Variants in ANGPT4 observed in about 807,000 individuals in gnomAD.
ANGPT4 encodes the protein angiopoietin-4.
Under a neutral mutation model 53.0 loss-of-function variants are expected in ANGPT4, and 50 were observed. That is an observed-to-expected ratio of 0.94 (90% CI 0.75 to 1.20). ANGPT4 has a LOEUF of 1.20. Among genes scored for constraint, ANGPT4 ranks in the 50% most tolerant of loss-of-function variants. The probability of loss-of-function intolerance (pLI) is 0.00; values close to 1 mark genes in which losing one functional copy is unlikely to be tolerated. For synonymous variants in ANGPT4, 251 were observed against 259.7 expected (o/e 0.97, Z 0.32); for missense variants, 648 against 637.1 (o/e 1.02, Z -0.18).
At chr20:873,447 C>G (rs115265522) in intron 8 of ANGPT4, among the ~76,000 whole-genome samples, 3,789 of 148,926 alleles carry the variant, frequency 0.025, 160 homozygotes, top group African/African-American at 0.083. Context: ...CTCCCCTCAT[C>G]GCTCTGCTCA....
At chr20:895,850 C>G (rs530455262) in intron 1 of ANGPT4, among the ~76,000 whole-genome samples, 1 of 148,164 alleles carries the variant, frequency 6.7e-6, no homozygotes, top group South Asian at 2.1e-4. Context: ...GTATGACTCT[C>G]TAAAAATGTC....
At chr20:905,648 G>T (rs978083473) in intron 1 of ANGPT4, among the ~76,000 whole-genome samples, 8 of 152,182 alleles carry the variant, frequency 5.3e-5, no homozygotes, top group African/African-American at 1.9e-4. Flanking sequence ...GTCAGCTTGG[G>T]GTATCTGCAG....
rs55666688 is a variant in ANGPT4 at position 887,636 on chromosome 20, C to CTT, written c.587+680_587+681dup. Among the ~76,000 whole-genome samples the CTT allele has an allele frequency of 1.4e-3, 180 of 130,510 alleles. 2 individuals carry two copies. The East Asian group carries it at 0.017, about 12-fold the overall frequency. The allele number at this position is 130,510 out of a possible 152,430, so 85.6% of individuals were successfully genotyped here. A position where few individuals can be genotyped will look rare whatever the true frequency, so the allele number is the denominator to read the frequency against. On this transcript the variant is annotated intron_variant, in intron 3 of 8. Coordinates refer to ENST00000381922, the MANE Select transcript of ANGPT4 (RefSeq NM_015985.4). ...CTGCTTTATCTAAACCTCATGACCG[C>CTT]TTTTTTTTTTTTTTTTTTGTAATTT...
At chr20:881,527 A>C (rs1227891358) in intron 4 of ANGPT4, among the ~76,000 whole-genome samples, 1 of 152,200 alleles carries the variant, frequency 6.6e-6, no homozygotes, top group Non-Finnish European at 1.5e-5. Flanking sequence ...CAGCATATGC[A>C]AAGGCCCCAA....
intron 1 of ANGPT4, among the ~76,000 whole-genome samples, chr20:912,780 A>T (rs1982756269): frequency 2.0e-5 from 3 of 151,808 alleles, no homozygotes; most frequent in Non-Finnish European, 2.9e-5. Context: ...GCTAGGAAAG[A>T]GTGCGTATCT....
At chr20:915,229 C>CA (rs1166391208) in intron 1 of ANGPT4, among the ~76,000 whole-genome samples, 1 of 151,960 alleles carries the variant, frequency 6.6e-6, no homozygotes, top group African/African-American at 2.4e-5. Flanking sequence ...CAGTGGCCCC[C>CA]CCCCCAGCTG....
chr20:887,120 A>G (rs1043661432), intron 3 of ANGPT4, among the ~76,000 whole-genome samples: 6 of 152,216 alleles, frequency 3.9e-5, no homozygotes, highest in African/African-American at 9.6e-5. Flanking sequence ...ATTTTACTGT[A>G]TATCCACTTG....
At chr20:893,781 C>T (rs977358304) in intron 1 of ANGPT4, among the ~76,000 whole-genome samples, 1 of 152,176 alleles carries the variant, frequency 6.6e-6, no homozygotes, top group African/African-American at 2.4e-5. Flanking sequence ...TCTGAAGCCC[C>T]AAACCCAGAC....
At position 879,390 on chromosome 20, in the gene ANGPT4, C is replaced by T. The variant is rs143311810; in HGVS notation, c.1053+357G>A. Among the ~76,000 whole-genome samples the T allele has an allele frequency of 1.1e-3, 162 of 152,168 alleles. 3 individuals are homozygous for T. The East Asian group carries it at 0.015, about 14-fold the overall frequency. On this transcript the variant is annotated intron_variant, in intron 6 of 8. Transcript: ENST00000381922. ...TCTCTCCTGCAGATATGATCATAGACGTATGAAAAGACAAGAAACTTCATT... is the reference window on the plus strand; with the variant it reads ...TCTCTCCTGCAGATATGATCATAGATGTATGAAAAGACAAGAAACTTCATT...
chr20:876,618 A>T (rs1049476064), intron 7 of ANGPT4, among the ~76,000 whole-genome samples: 4 of 152,184 alleles, frequency 2.6e-5, no homozygotes, highest in African/African-American at 9.7e-5. Context: ...TAAAGCACCC[A>T]TTCTACAGAT....
At chr20:888,485 A>T (rs1350155049) in intron 2 of ANGPT4, 46 bp from the exon 3 acceptor site, 1 of 1,575,478 alleles carries the variant, frequency 6.3e-7, no homozygotes, top group East Asian at 2.3e-5. Context: ...TAAGCGCTAC[A>T]GGAGCCCTGC....
intron 4 of ANGPT4, 146 bp downstream of exon 4, chr20:884,932 A>T: frequency 2.6e-6 from 3 of 1,174,888 alleles, no homozygotes; most frequent in Non-Finnish European, 3.5e-6. Context: ...ATTACTGTTT[A>T]TTGTTGTTTC....
chr20:880,571 G>T (rs775257667), intron 5 of ANGPT4, among the ~76,000 whole-genome samples: 1 of 151,134 alleles, frequency 6.6e-6, no homozygotes, highest in African/African-American at 2.5e-5. Flanking sequence ...CTGGGCACCA[G>T]AGCAAGACCC....
chr20:875,207 C>T (rs1022799637), intron 7 of ANGPT4, among the ~76,000 whole-genome samples: 4 of 152,180 alleles, frequency 2.6e-5, no homozygotes, highest in Non-Finnish European at 5.9e-5. Flanking sequence ...GTCAGAGCCA[C>T]ATGCCAGCCT....
In ANGPT4 at chr20:885,106, C is replaced by T; in HGVS notation, c.807G>A (p.Val269=). Residue 269 remains valine (V), a synonymous_variant, in exon 4 of 9, where the codon GTG becomes GTA. Coordinates refer to ENST00000381922, the MANE Select transcript of ANGPT4 (RefSeq NM_015985.4). ...RQLLVLLRHL[V]QERANASAPA... ...GGGCCGAGGCGTTAGCCCTTTCTTG[C>T]ACCAGGTGCCGCAACAACACCAGCA... The T allele has an allele frequency of 6.2e-7, 1 of 1,613,648 alleles. No individual in the cohort carries two copies. The highest frequency in any genetic ancestry group is 8.5e-7 in the Non-Finnish European group (1 of 1,179,892).
At position 914,407 on chromosome 20, in the gene ANGPT4, G is replaced by A. The variant is rs959977394; in HGVS notation, c.309+1499C>T. 6.6e-6 allele frequency among the ~76,000 whole-genome samples: 1 copy of A among 152,132 alleles called. No individual in the cohort carries two copies. Among genetic ancestry groups the A allele is most frequent in the African/African-American group, 2.4e-5 (1 of 41,410 alleles). ...GGGTAAGCAAAGTGGGAGTCTGGGA[G>A]AGGGAACTCCAGGGAGTAAGGGTTC... On this transcript the variant is annotated intron_variant, in intron 1 of 8. Coordinates refer to ENST00000381922, the MANE Select transcript of ANGPT4 (RefSeq NM_015985.4). This position sits in a 1 kb window ranked among gnomAD's most constrained non-coding sequence, Gnocchi z 5.0.
At chr20:897,533 T>C (rs1982106863) in intron 1 of ANGPT4, among the ~76,000 whole-genome samples, 1 of 152,200 alleles carries the variant, frequency 6.6e-6, no homozygotes, top group Admixed American at 6.5e-5. Context: ...AGGAAGACAG[T>C]CTTCCCTTGG....
At chr20:878,025 G>A (rs754620054) in intron 7 of ANGPT4, 136 bp downstream of exon 7, 2 of 992,014 alleles carry the variant, frequency 2.0e-6, no homozygotes, top group Non-Finnish European at 2.8e-6. Context: ...CACCCAAATG[G>A]GGGACAGATG....
At chr20:880,688 A>C (rs1981368087) in intron 5 of ANGPT4, among the ~76,000 whole-genome samples, 1 of 151,922 alleles carries the variant, frequency 6.6e-6, no homozygotes. Context: ...CTTCTCTGTC[A>C]CCCTTCTTAT....
Sources: gnomAD v4.1 joint callset for allele counts (sites outside exome capture counted in the v4.1 genomes callset) on GRCh38, gnomAD v4.1.1 for gene constraint, Gnocchi (gnomAD v3.1) non-coding constraint, MANE v1.5 for transcripts, NCBI Gene and HGNC (gene_info 2026-07-23, HGNC 2026-07-21) for gene names.